Variants in ARHGEF38 observed in about 807,000 individuals in gnomAD.
ARHGEF38 encodes Rho guanine nucleotide exchange factor (GEF) 38.
Under a neutral mutation model 79.9 loss-of-function variants are expected in ARHGEF38, and 79 were observed. The ratio of observed to expected loss-of-function variants is 0.99; its 90% CI spans 0.82 to 1.19. The LOEUF is 1.19. Among genes scored for constraint, ARHGEF38 ranks in the 50% most tolerant of loss-of-function variants. ARHGEF38 has a pLI of 0.00. For synonymous variants in ARHGEF38, 366 were observed against 328.3 expected (o/e 1.11, Z -1.24); for missense variants, 962 against 907.2 (o/e 1.06, Z -0.78).
At chr4:105,681,937 C>A (rs1403579385), downstream of ARHGEF38, among the ~76,000 whole-genome samples, 1 of 152,172 alleles carries the variant, frequency 6.6e-6, no homozygotes, top group Non-Finnish European at 1.5e-5. Flanking sequence ...GTGAACAAGT[C>A]ATATATTTCC....
intron 13 of ARHGEF38, among the ~76,000 whole-genome samples, chr4:105,672,632 A>G (rs1730992740): frequency 6.6e-6 from 1 of 152,198 alleles, no homozygotes; most frequent in Admixed American, 6.5e-5. Context: ...TTGGTGGCTT[A>G]AAACAATACA....
At chr4:105,631,844 A>C (rs1729206230) in intron 4 of ARHGEF38, among the ~76,000 whole-genome samples, 1 of 152,222 alleles carries the variant, frequency 6.6e-6, no homozygotes, top group Non-Finnish European at 1.5e-5. Flanking sequence ...ACCATACTCC[A>C]CATCTTACCC....
At chr4:105,571,916 A>G (rs1233370507) in intron 1 of ARHGEF38, among the ~76,000 whole-genome samples, 1 of 151,670 alleles carries the variant, frequency 6.6e-6, no homozygotes, top group Admixed American at 6.5e-5. Flanking sequence ...CCTGATAGAA[A>G]GAAGCCAGGC....
At chr4:105,555,714 A>G (rs1048292681) in intron 1 of ARHGEF38, among the ~76,000 whole-genome samples, 3 of 152,130 alleles carry the variant, frequency 2.0e-5, no homozygotes, top group African/African-American at 4.8e-5. Flanking sequence ...TAGTTATTTA[A>G]TTGGTTGTCC....
intron 13 of ARHGEF38, among the ~76,000 whole-genome samples, chr4:105,668,222 C>T (rs1411365262): frequency 6.6e-6 from 1 of 151,826 alleles, no homozygotes; most frequent in Non-Finnish European, 1.5e-5. Flanking sequence ...CACTCTGTCG[C>T]CCAGGCTGGA....
chr4:105,602,931 T>A (rs1384814679), intron 2 of ARHGEF38, among the ~76,000 whole-genome samples: 1 of 152,180 alleles, frequency 6.6e-6, no homozygotes, highest in Non-Finnish European at 1.5e-5. Flanking sequence ...ATCCTTATTG[T>A]CTGTGGTTCT....
At chr4:105,660,634 T>C (rs1317064429) in intron 10 of ARHGEF38, among the ~76,000 whole-genome samples, 1 of 152,142 alleles carries the variant, frequency 6.6e-6, no homozygotes, top group Admixed American at 6.5e-5. Flanking sequence ...GAGACGGGGT[T>C]TCTCCATTTT....
chr4:105,633,906 A>T (rs1277666394), intron 4 of ARHGEF38, among the ~76,000 whole-genome samples: 1 of 152,156 alleles, frequency 6.6e-6, no homozygotes, highest in Non-Finnish European at 1.5e-5. Context: ...TTCCCAAAAG[A>T]GTAGTAGAGA....
chr4:105,651,761 C>A (rs1730114570), intron 7 of ARHGEF38, among the ~76,000 whole-genome samples: 1 of 152,130 alleles, frequency 6.6e-6, no homozygotes, highest in African/African-American at 2.4e-5. Context: ...CTCTAGCAAT[C>A]CTTTCACCTC....
At chr4:105,580,019 T>A (rs2866788) in intron 1 of ARHGEF38, among the ~76,000 whole-genome samples, 130,814 of 151,886 alleles carry the variant, frequency 0.86, 56,395 homozygotes, top group South Asian at 0.93. Context: ...TTGTGTGCAT[T>A]GTGTGTTCAG....
intron 3 of ARHGEF38, among the ~76,000 whole-genome samples, chr4:105,625,323 G>A (rs1447095): frequency 1 from 151,685 of 152,356 alleles, 75,511 homozygotes; most frequent in Middle Eastern, 1. Flanking sequence ...AGAGAAAACA[G>A]AACAAAACAC....
chr4:105,645,166 A>G (rs921865695), intron 5 of ARHGEF38, 22 bp from the exon 6 acceptor site: 1 of 1,336,654 alleles, frequency 7.5e-7, no homozygotes, highest in Non-Finnish European at 9.6e-7. Context: ...TGTGAAACTG[A>G]TATTATTTAT....
intron 1 of ARHGEF38, among the ~76,000 whole-genome samples, chr4:105,569,662 A>G (rs1258848112): frequency 2.6e-5 from 4 of 152,208 alleles, no homozygotes; most frequent in Non-Finnish European, 4.4e-5. Context: ...CAGGTTCAGG[A>G]GCCAGACTGG....
chr4:105,639,253 T>G (rs1181881720), intron 5 of ARHGEF38, among the ~76,000 whole-genome samples: 1 of 152,080 alleles, frequency 6.6e-6, no homozygotes, highest in Non-Finnish European at 1.5e-5. Context: ...AATACGTTTG[T>G]AATGTCTCTT....
chr4:105,587,718 C>T (rs1191000435), intron 1 of ARHGEF38, among the ~76,000 whole-genome samples: 2 of 152,098 alleles, frequency 1.3e-5, no homozygotes, highest in Admixed American at 1.3e-4. Flanking sequence ...CCTCGGCCTC[C>T]CAAAGTGCTA....
intron 3 of ARHGEF38, among the ~76,000 whole-genome samples, chr4:105,626,586 C>G (rs150789763): frequency 1.3e-5 from 2 of 152,138 alleles, no homozygotes. Context: ...ACTGCAATAA[C>G]TTTCTGTTTT....
At chr4:105,569,573 T>C (rs1017668246) in intron 1 of ARHGEF38, among the ~76,000 whole-genome samples, 1 of 152,226 alleles carries the variant, frequency 6.6e-6, no homozygotes, top group Non-Finnish European at 1.5e-5. Context: ...GTTTCTGGTA[T>C]GTCAGACATT....
chr4:105,610,148 G>A (rs1219162120), intron 2 of ARHGEF38, among the ~76,000 whole-genome samples: 4 of 152,042 alleles, frequency 2.6e-5, no homozygotes, highest in African/African-American at 9.7e-5. Context: ...GTAAGTGGGA[G>A]CTGAACAATG....
At chr4:105,646,427 T>A (rs1344284788) in intron 6 of ARHGEF38, among the ~76,000 whole-genome samples, 1 of 152,228 alleles carries the variant, frequency 6.6e-6, no homozygotes, top group African/African-American at 2.4e-5. Context: ...CTCAGGGAAA[T>A]GTAATCATTG....
Sources: allele counts gnomAD v4.1 joint callset (sites outside exome capture counted in the v4.1 genomes callset), GRCh38; gene constraint gnomAD v4.1.1; transcripts MANE v1.5; gene names NCBI Gene and HGNC (gene_info 2026-07-23, HGNC 2026-07-21).